OR13D1: variants seen among roughly 807,000 people sequenced by gnomAD.
OR13D1 encodes olfactory receptor family 13 subfamily D member 1, also known as olfactory receptor 13D1.
For synonymous variants in OR13D1, 125 were observed against 140.2 expected (o/e 0.89, Z 0.76); for missense variants, 353 against 371.9 (o/e 0.95, Z 0.42).
chr9:104,694,821 G>T lies in OR13D1; in HGVS notation c.304G>T (p.Val102Phe). The change falls in exon 1 of 1, where the codon GTT (valine) becomes TTT (phenylalanine). Residue 102 changes from valine to phenylalanine, a missense_variant. Val to Phe is a conservative substitution (Grantham distance 50). Transcript: ENST00000641530. ...CTTCATTGGCTGTGCTCTGCAGATG[G>T]TTGTGTCCCTTGGCTTGGGCTCCAC... ...ISFIGCALQMVVSLGLGSTEC... is the reference protein window; with the variant it reads ...ISFIGCALQMFVSLGLGSTEC... The T allele has an allele frequency of 5.6e-6, 9 of 1,614,134 alleles. No homozygotes were observed. The highest frequency in any genetic ancestry group is 7.6e-6 in the Non-Finnish European group (9 of 1,180,036).
rs1197563614 is a variant in OR13D1 at position 104,695,125 on chromosome 9, ATAT to A, written c.610_612del (p.Ile204del). On this transcript the variant is annotated inframe_deletion, in exon 1 of 1. Transcript: ENST00000641530. ...AATGTGCTTATCATGACAGTGACAA[ATAT>A]TGTTTCACTGGTGATTCTTCTACTG... The A allele has an allele frequency of 2.5e-6, 4 of 1,613,742 alleles. No individual in the cohort carries two copies. The South Asian group carries it at 4.4e-5, about 18-fold the overall frequency.
At position 104,694,846 on chromosome 9, in the gene OR13D1, C is replaced by T. The variant is rs369296291; in HGVS notation, c.329C>T (p.Thr110Ile). 22 of 1,614,212 alleles carry T rather than the reference C, an allele frequency of 1.4e-5. No individual in the cohort carries two copies. In the East Asian group the frequency reaches 3.6e-4, roughly 26 times the overall value. The change falls in exon 1 of 1, where the codon ACT becomes ATT. Residue 110 changes from threonine (T) to isoleucine (I), a missense_variant. Thr to Ile is a moderately conservative substitution (Grantham distance 89). Transcript: ENST00000641530. ...QMVVSLGLGS[T>I]ECVLLAVMAY... ...GTTGTGTCCCTTGGCTTGGGCTCCA[C>T]TGAGTGTGTCCTCCTGGCTGTGATG... is the stretch of plus-strand genomic sequence containing the variant.
chr9:104,694,742 C>A lies in OR13D1; in HGVS notation c.225C>A (p.Ser75=), dbSNP rs752168339. 18 of 1,613,934 alleles carry A rather than the reference C, an allele frequency of 1.1e-5. No homozygotes were observed. The Admixed American group carries it at 1.3e-4, about 12-fold the overall frequency. Residue 75 remains serine (S), a synonymous_variant, in exon 1 of 1, where the codon TCC becomes TCA. Transcript: ENST00000641530. The stretch of plus-strand genomic sequence containing the variant: ...CATTCTTGGACATCTGTTACACATC[C>A]TCATCCATTCCTCCAATGCTTATTA... ...NLSFLDICYT[S]SSIPPMLIIF...
rs910084189 is a variant in OR13D1 at position 104,694,767 on chromosome 9, A to G, written c.250A>G (p.Ile84Val). The change falls in exon 1 of 1, where the codon ATA becomes GTA. Residue 84 changes from isoleucine to valine, a missense_variant. Transcript: ENST00000641530. ...TSSSIPPMLI[I>V]FMSERKSISF... Reference sequence around the variant, plus strand: ...CTCATCCATTCCTCCAATGCTTATTATATTTATGTCTGAGAGAAAATCCAT... The same window carrying G: ...CTCATCCATTCCTCCAATGCTTATTGTATTTATGTCTGAGAGAAAATCCAT... 8 of 1,614,036 alleles carry G rather than the reference A, an allele frequency of 5.0e-6. No individual in the cohort carries two copies. The Middle Eastern group carries it at 4.9e-4, about 100-fold the overall frequency.
rs1460307925 is a variant in OR13D1, at chr9:104,695,341, G to A, written c.824G>A (p.Gly275Glu). 2 of 1,613,670 alleles carry A rather than the reference G, an allele frequency of 1.2e-6. No homozygotes were observed. Among genetic ancestry groups the A allele is most frequent in the Non-Finnish European group, 1.7e-6 (2 of 1,179,748 alleles). The change falls in exon 1 of 1, where the codon GGG becomes GAG. Residue 275 changes from glycine (G) to glutamate (E), a missense_variant. Transcript: ENST00000641530. Reference sequence around the variant, plus strand: ...ACTAATACATCTGATGAGATTATTGGGCTGTCTTATGGAGTGGTAAGCCCA... The same window carrying A: ...ACTAATACATCTGATGAGATTATTGAGCTGTCTTATGGAGTGGTAAGCCCA... Reference protein sequence around the residue: ...KNTNTSDEIIGLSYGVVSPML... With the variant: ...KNTNTSDEIIELSYGVVSPML...
rs146396904 is a variant in OR13D1, at chr9:104,695,171, T to C, written c.654T>C (p.Tyr218=). Residue 218 remains tyrosine, a synonymous_variant, in exon 1 of 1, where the codon TAT becomes TAC. Transcript: ENST00000641530. Reference sequence around the variant, plus strand: ...TTCTACTGTTAATTTTCATCTCCTATGTGTTTATTCTCTCTTCCATCCTGA... The same window carrying C: ...TTCTACTGTTAATTTTCATCTCCTACGTGTTTATTCTCTCTTCCATCCTGA... The part of the protein sequence containing the change: ...VILLLLIFIS[Y]VFILSSILRI... 7 of 1,613,730 alleles carry C rather than the reference T, an allele frequency of 4.3e-6. No individual in the cohort carries two copies. Among genetic ancestry groups the C allele is most frequent in the African/African-American group, 1.3e-5 (1 of 74,906 alleles).
Position 104,694,664 on chromosome 9 carries a change from C to T in OR13D1, c.147C>T (p.Thr49=), listed in dbSNP as rs752645464. The change falls in exon 1 of 1, where the codon ACC becomes ACT. Residue 49 remains threonine, a synonymous_variant. Coordinates refer to ENST00000641530, the MANE Select transcript of OR13D1 (RefSeq NM_001004484.2). ...GAAATAGCCTCCTCATTATCATCAC[C>T]ATCTTGGATTCTCGCCTCCATACTC... ...LLGNSLLIII[T]ILDSRLHTPM... The T allele has an allele frequency of 6.2e-7, 1 of 1,614,064 alleles. No homozygotes were observed. The highest frequency in any genetic ancestry group is 1.1e-5 in the South Asian group (1 of 91,076).
At position 104,694,623 on chromosome 9, in the gene OR13D1, A is replaced by C. The variant is rs201823062; in HGVS notation, c.106A>C (p.Met36Leu). 1 of 1,613,942 alleles carries C rather than the reference A, an allele frequency of 6.2e-7. No homozygotes were observed. Among genetic ancestry groups the C allele is most frequent in the Admixed American group, 1.7e-5 (1 of 60,004 alleles). ...FLFLLCLIMY[M>L]IILLGNSLLI... ...GTTCCTGCTCTGCCTCATCATGTACATGATAATCCTCCTGGGAAATAGCCT... is the reference window on the plus strand; with the variant it reads ...GTTCCTGCTCTGCCTCATCATGTACCTGATAATCCTCCTGGGAAATAGCCT... Residue 36 changes from methionine (M) to leucine (L), a missense_variant, in exon 1 of 1, where the codon ATG becomes CTG. Coordinates refer to ENST00000641530, the MANE Select transcript of OR13D1 (RefSeq NM_001004484.2).
Position 104,694,611 on chromosome 9 carries a change from C to T in OR13D1, c.94C>T (p.Leu32Phe), listed in dbSNP as rs13294411. 8.7e-6 allele frequency: 14 copies of T among 1,613,786 alleles called. No individual in the cohort carries two copies. In the African/African-American group the frequency reaches 9.3e-5, roughly 11 times the overall value. The stretch of plus-strand genomic sequence containing the variant: ...CCAGCTTTTTCTGTTCCTGCTCTGC[C>T]TCATCATGTACATGATAATCCTCCT... ...ELQLFLFLLC[L>F]IMYMIILLGN... Residue 32 changes from leucine (L) to phenylalanine (F), a missense_variant, in exon 1 of 1, where the codon CTC (leucine) becomes TTC (phenylalanine). Physicochemically the swap from Leu to Phe is conservative, Grantham distance 22 (BLOSUM62 0). Transcript: ENST00000641530.
rs1827207166 is a variant in OR13D1, at chr9:104,694,944, C to G, written c.427C>G (p.Gln143Glu). 1.9e-6 allele frequency: 3 copies of G among 1,614,000 alleles called. No homozygotes were observed. The African/African-American group carries it at 4.0e-5, about 22-fold the overall frequency. Residue 143 changes from glutamine (Q) to glutamate (E), a missense_variant, in exon 1 of 1, where the codon CAA becomes GAA. By Grantham distance (29) the Gln-to-Glu change is conservative (BLOSUM62 2). Coordinates refer to ENST00000641530, the MANE Select transcript of OR13D1 (RefSeq NM_001004484.2). ...SIIMNGVLYVQMAAWSWIIGC... is the reference protein window; with the variant it reads ...SIIMNGVLYVEMAAWSWIIGC... ...CATCATGAACGGAGTGCTGTATGTG[C>G]AAATGGCTGCATGGTCCTGGATCAT...
In OR13D1 at chr9:104,694,563, G is replaced by A. The variant is rs142348267; in HGVS notation, c.46G>A (p.Gly16Arg). The A allele has an allele frequency of 2.7e-4, 440 of 1,613,936 alleles. 1 individual carries two copies. Among genetic ancestry groups the A allele is most frequent in the Non-Finnish European group, 3.5e-4 (411 of 1,179,994 alleles). Residue 16 changes from glycine (G) to arginine (R), a missense_variant, in exon 1 of 1, where the codon GGG becomes AGG. Coordinates refer to ENST00000641530, the MANE Select transcript of OR13D1 (RefSeq NM_001004484.2). ...TGCCATGACTGAATTCTTTCTGGTG[G>A]GGCTTTCCCAATATCCAGAGCTCCA... The part of the protein sequence containing the change: ...YSAMTEFFLV[G>R]LSQYPELQLF...
chr9:104,695,381 C>G lies in OR13D1; in HGVS notation c.864C>G (p.Ile288Met), dbSNP rs748945588. The change falls in exon 1 of 1, where the codon ATC becomes ATG. Residue 288 changes from isoleucine (I) to methionine (M), a missense_variant. Physicochemically the swap from Ile to Met is conservative, Grantham distance 10. Coordinates refer to ENST00000641530, the MANE Select transcript of OR13D1 (RefSeq NM_001004484.2). ...YGVVSPMLNP[I>M]IYSLRNKEVK... is the part of the protein sequence containing the mutation. ...TGGTAAGCCCAATGTTAAATCCCATCATCTATAGCCTCAGGAATAAAGAGG... is the reference window on the plus strand; with the variant it reads ...TGGTAAGCCCAATGTTAAATCCCATGATCTATAGCCTCAGGAATAAAGAGG... The G allele has an allele frequency of 8.7e-6, 14 of 1,610,116 alleles. No individual in the cohort carries two copies. In the East Asian group the frequency reaches 2.7e-4, roughly 31 times the overall value.
Position 104,694,779 on chromosome 9 carries a change from G to A in OR13D1, c.262G>A (p.Glu88Lys). The A allele has an allele frequency of 1.2e-6, 2 of 1,614,074 alleles. No individual in the cohort carries two copies. Among genetic ancestry groups the A allele is most frequent in the African/African-American group, 2.7e-5 (2 of 75,028 alleles). ...TCCAATGCTTATTATATTTATGTCT[G>A]AGAGAAAATCCATCTCCTTCATTGG... is the stretch of plus-strand genomic sequence containing the variant. ...IPPMLIIFMS[E>K]RKSISFIGCA... The change falls in exon 1 of 1, where the codon GAG (glutamate) becomes AAG (lysine). Residue 88 changes from glutamate to lysine, a missense_variant. By Grantham distance (56) the Glu-to-Lys change is moderately conservative (BLOSUM62 1). Transcript: ENST00000641530.
Position 104,694,941 on chromosome 9 carries a change from G to A in OR13D1, c.424G>A (p.Val142Met). 6.2e-7 allele frequency: 1 copy of A among 1,614,158 alleles called. No individual in the cohort carries two copies. Residue 142 changes from valine (V) to methionine (M), a missense_variant, in exon 1 of 1, where the codon GTG becomes ATG. Val to Met is a conservative substitution (Grantham distance 21). Transcript: ENST00000641530. ...CATCATCATGAACGGAGTGCTGTAT[G>A]TGCAAATGGCTGCATGGTCCTGGAT... ...YSIIMNGVLY[V>M]QMAAWSWIIG...
chr9:104,695,228 C>T lies in OR13D1; in HGVS notation c.711C>T (p.Ala237=), dbSNP rs747844883. The part of the protein sequence containing the change: ...RINCAEGRKK[A]FSTCSAHSIV... ...ATTGTGCTGAGGGAAGAAAGAAAGCCTTCTCTACCTGTTCAGCGCACTCGA... is the reference window on the plus strand; with the variant it reads ...ATTGTGCTGAGGGAAGAAAGAAAGCTTTCTCTACCTGTTCAGCGCACTCGA... The change falls in exon 1 of 1, where the codon GCC becomes GCT. Residue 237 remains alanine, a synonymous_variant. Transcript: ENST00000641530. The T allele has an allele frequency of 1.2e-6, 2 of 1,613,504 alleles. No individual in the cohort carries two copies. The highest frequency in any genetic ancestry group is 2.2e-5 in the South Asian group (2 of 91,064).
chr9:104,695,076 C>T lies in OR13D1; in HGVS notation c.559C>T (p.Leu187Phe), dbSNP rs1336203029. 15 of 1,613,976 alleles carry T rather than the reference C, an allele frequency of 9.3e-6. No individual in the cohort carries two copies. Among genetic ancestry groups the T allele is most frequent in the Middle Eastern group, 1.6e-4 (1 of 6,084 alleles). The change falls in exon 1 of 1, where the codon CTT (leucine) becomes TTT (phenylalanine). Residue 187 changes from leucine to phenylalanine, a missense_variant. Transcript: ENST00000641530. ...ITCEILALLK[L>F]VCSDITINVL... is the part of the protein sequence containing the mutation. ...CTGTGAAATTTTGGCCCTTCTAAAACTTGTTTGTTCAGATATCACCATCAA... is the reference window on the plus strand; with the variant it reads ...CTGTGAAATTTTGGCCCTTCTAAAATTTGTTTGTTCAGATATCACCATCAA...
Position 104,694,648 on chromosome 9 carries a change from T to A in OR13D1, c.131T>A (p.Leu44His), listed in dbSNP as rs138287827. 5.8e-5 allele frequency: 94 copies of A among 1,613,884 alleles called. No homozygotes were observed. The African/African-American group carries it at 9.3e-4, about 16-fold the overall frequency. ...MYMIILLGNSLLIIITILDSR... is the reference protein window; with the variant it reads ...MYMIILLGNSHLIIITILDSR... The stretch of plus-strand genomic sequence containing the variant: ...ATGATAATCCTCCTGGGAAATAGCC[T>A]CCTCATTATCATCACCATCTTGGAT... Residue 44 changes from leucine to histidine, a missense_variant, in exon 1 of 1, where the codon CTC (leucine) becomes CAC (histidine). Leu to His is a moderately conservative substitution (Grantham distance 99). Transcript: ENST00000641530.
At position 104,694,973 on chromosome 9, in the gene OR13D1, C is replaced by T. The variant is rs749786221; in HGVS notation, c.456C>T (p.Gly152=). The T allele has an allele frequency of 6.8e-6, 11 of 1,613,884 alleles. No individual in the cohort carries two copies. The highest frequency in any genetic ancestry group is 9.3e-6 in the Non-Finnish European group (11 of 1,179,890). The change falls in exon 1 of 1, where the codon GGC becomes GGT. Residue 152 remains glycine, a synonymous_variant. Coordinates refer to ENST00000641530, the MANE Select transcript of OR13D1 (RefSeq NM_001004484.2). ...VQMAAWSWII[G]CLTSLLQTVL... ...TGGCTGCATGGTCCTGGATCATAGG[C>T]TGTCTGACCTCCCTATTGCAAACAG...
Position 104,694,694 on chromosome 9 carries a change from G to A in OR13D1, c.177G>A (p.Met59Ile). The change falls in exon 1 of 1, where the codon ATG becomes ATA. Residue 59 changes from methionine to isoleucine, a missense_variant. Transcript: ENST00000641530. ...TILDSRLHTP[M>I]YFFLGNLSFL... is the part of the protein sequence containing the mutation. Reference sequence around the variant, plus strand: ...TGGATTCTCGCCTCCATACTCCCATGTATTTCTTTCTTGGAAACCTCTCAT... The same window carrying A: ...TGGATTCTCGCCTCCATACTCCCATATATTTCTTTCTTGGAAACCTCTCAT... The A allele has an allele frequency of 6.2e-7, 1 of 1,614,096 alleles. No homozygotes were observed. The highest frequency in any genetic ancestry group is 8.5e-7 in the Non-Finnish European group (1 of 1,180,010).
Sources: gnomAD v4.1 joint callset for allele counts on GRCh38, gnomAD v4.1.1 for gene constraint, MANE v1.5 for transcripts, NCBI Gene and HGNC (gene_info 2026-07-23, HGNC 2026-07-21) for gene names.